TRPM3: variants seen among roughly 807,000 people sequenced by gnomAD.
TRPM3 encodes the protein transient receptor potential cation channel subfamily M member 3.
A neutral mutation model predicts 181.2 loss-of-function variants in TRPM3; 77 were observed. The ratio of observed to expected loss-of-function variants is 0.42; its 90% CI spans 0.35 to 0.51. The LOEUF is 0.51. Ranked by LOEUF, TRPM3 falls within the 20% of genes least tolerant of loss-of-function variation. The pLI, the probability that TRPM3 is intolerant of heterozygous loss-of-function variation, is 0.01. For missense variants in TRPM3, 1,759 were observed against 2,196.7 expected (o/e 0.80, Z 3.98); for synonymous variants, 745 against 796.4 (o/e 0.94, Z 1.09).
chr9:70,983,784 A>C (rs2097391192), intron 1 of TRPM3, among the ~76,000 whole-genome samples: 1 of 152,084 alleles, frequency 6.6e-6, no homozygotes, highest in Non-Finnish European at 1.5e-5. Flanking sequence ...AATGGGGGAA[A>C]AAATAGAGAT....
chr9:71,429,154 C>A (rs2093919337), intron 1 of TRPM3, among the ~76,000 whole-genome samples: 1 of 152,256 alleles, frequency 6.6e-6, no homozygotes, highest in South Asian at 2.1e-4. Context: ...TCCCAACTAC[C>A]TTTCATATTC....
At chr9:70,958,766 A>AACAATGAT (rs1427815930) in intron 1 of TRPM3, among the ~76,000 whole-genome samples, 1 of 151,860 alleles carries the variant, frequency 6.6e-6, no homozygotes, top group Non-Finnish European at 1.5e-5. Context: ...CCAAATATCC[A>AACAATGAT]ACAATGATAG....
intron 1 of TRPM3, among the ~76,000 whole-genome samples, chr9:71,138,746 C>A (rs1329977535): frequency 2.6e-5 from 4 of 152,170 alleles, no homozygotes; most frequent in Admixed American, 2.6e-4. Context: ...AAACAGAAAT[C>A]ATATCAGGCT....
At chr9:70,966,138 T>C (rs572548226) in intron 1 of TRPM3, among the ~76,000 whole-genome samples, 2 of 149,808 alleles carry the variant, frequency 1.3e-5, no homozygotes, top group East Asian at 2.0e-4. Context: ...AACAAGCATA[T>C]GAAAAAAAGC....
intron 21 of TRPM3, among the ~76,000 whole-genome samples, chr9:70,593,863 A>G (rs1238194769): frequency 1.4e-5 from 2 of 147,668 alleles, no homozygotes; most frequent in Non-Finnish European, 3.0e-5. Context: ...ATAATTTATT[A>G]TATATAATGT....
At position 70,879,554 on chromosome 9, in the gene TRPM3, C is replaced by A. The variant is rs979860053; in HGVS notation, c.178-15043G>T. 9.2e-5 allele frequency among the ~76,000 whole-genome samples: 14 copies of A among 152,158 alleles called. 1 individual carries two copies. The South Asian group carries it at 1.2e-3, about 14-fold the overall frequency. ...TTATCCTATATTCTCATGATGTTCT[C>A]TAACTCATTTAGGGCAGGGACCAGA... On this transcript the variant is annotated intron_variant, in intron 1 of 25. Coordinates refer to ENST00000677713, the MANE Select transcript of TRPM3 (RefSeq NM_001366145.2).
intron 1 of TRPM3, among the ~76,000 whole-genome samples, chr9:71,200,123 G>A (rs1271960992): frequency 2.6e-5 from 4 of 152,070 alleles, no homozygotes; most frequent in Non-Finnish European, 5.9e-5. Flanking sequence ...CCTTCATTTC[G>A]TTATGTACCC....
chr9:70,644,259 G>T (rs1415666448), intron 9 of TRPM3, among the ~76,000 whole-genome samples: 2 of 152,158 alleles, frequency 1.3e-5, no homozygotes, highest in Non-Finnish European at 2.9e-5. Flanking sequence ...TGCTGTGAAG[G>T]AGCAGTGCCA....
In TRPM3 at chr9:70,845,399, C is replaced by T. The variant is rs535931542; in HGVS notation, c.676+979G>A. Among the ~76,000 whole-genome samples, 145 of 152,058 alleles carry T rather than the reference C, an allele frequency of 9.5e-4. 1 individual carries two copies. Among genetic ancestry groups the T allele is most frequent in the South Asian group, 5.6e-3 (27 of 4,798 alleles). ...GGACTACAGGCACCTGCCACCACGC[C>T]GGGCTAATTTTTGCATTCTTAGTAG... On this transcript the variant is annotated intron_variant, in intron 4 of 25. Transcript: ENST00000677713.
chr9:70,620,732 A>G (rs1044037336), intron 15 of TRPM3, among the ~76,000 whole-genome samples: 1 of 152,062 alleles, frequency 6.6e-6, no homozygotes, highest in Non-Finnish European at 1.5e-5. Flanking sequence ...CTAGATTTTT[A>G]TTTGCATATA....
chr9:70,951,284 T>C (rs2096995925), intron 1 of TRPM3, among the ~76,000 whole-genome samples: 1 of 152,326 alleles, frequency 6.6e-6, no homozygotes, highest in African/African-American at 2.4e-5. Flanking sequence ...TTCTAGTACA[T>C]TGCTAGCTCT....
At position 71,307,057 on chromosome 9, in the gene TRPM3, AT is replaced by A. The variant is rs375107793; in HGVS notation, c.183+139595del. ...AGTTGCTCCTCTGAACATTTTATGC[AT>A]TTTTTAAGACTAATTATTTTGGCTT... is the stretch of plus-strand genomic sequence containing the variant. On this transcript the variant is annotated intron_variant, in intron 1 of 24. Transcript: ENST00000357533. Among the ~76,000 whole-genome samples the A allele has an allele frequency of 7.3e-3, 1,117 of 152,206 alleles. 16 individuals are homozygous for A. Among genetic ancestry groups the A allele is most frequent in the African/African-American group, 0.026 (1,075 of 41,538 alleles).
chr9:70,670,776 CAGAGT>C (rs976136832), intron 9 of TRPM3, among the ~76,000 whole-genome samples: 1 of 152,104 alleles, frequency 6.6e-6, no homozygotes, highest in African/African-American at 2.4e-5. Flanking sequence ...ATAAAGAAGG[CAGAGT>C]AGAGTGTCCG....
intron 12 of TRPM3, among the ~76,000 whole-genome samples, chr9:70,630,805 ATGT>A (rs1246926099): frequency 1.3e-5 from 2 of 152,330 alleles, no homozygotes; most frequent in African/African-American, 4.8e-5. Flanking sequence ...CAACTTGAAA[ATGT>A]TGTCTTCTTT....
rs140242691 is a variant in TRPM3, at chr9:71,163,061, G to A, written c.183+283592C>T. 2.0e-3 allele frequency among the ~76,000 whole-genome samples: 303 copies of A among 152,262 alleles called. 4 individuals carry two copies. In the East Asian group the frequency reaches 0.046, roughly 23 times the overall value. On this transcript the variant is annotated intron_variant, in intron 1 of 24. Coordinates refer to the TRPM3 transcript ENST00000357533. ...AATGTTAGGGAGCTAAGCCAAGGCCGATTTATAAAGGTCTTATGTTCATGC... is the reference window on the plus strand; with the variant it reads ...AATGTTAGGGAGCTAAGCCAAGGCCAATTTATAAAGGTCTTATGTTCATGC...
intron 7 of TRPM3, among the ~76,000 whole-genome samples, chr9:70,768,335 C>G (rs1161781058): frequency 2.0e-5 from 3 of 152,120 alleles, no homozygotes; most frequent in African/African-American, 7.2e-5. Flanking sequence ...CCAGGTATTT[C>G]TTTTAGGCCT....
intron 8 of TRPM3, among the ~76,000 whole-genome samples, chr9:70,740,641 A>G (rs1854273): frequency 0.22 from 33,257 of 152,180 alleles, 4,472 homozygotes; most frequent in Non-Finnish European, 0.3. Context: ...ACATAAACCA[A>G]TGGAACATGA....
At chr9:71,108,503 G>A (rs556574868) in intron 1 of TRPM3, among the ~76,000 whole-genome samples, 2 of 152,108 alleles carry the variant, frequency 1.3e-5, no homozygotes, top group Non-Finnish European at 2.9e-5. Context: ...AACAAGGGTC[G>A]ACATATCACC....
chr9:71,240,993 G>A (rs931970710), intron 1 of TRPM3, among the ~76,000 whole-genome samples: 2 of 152,098 alleles, frequency 1.3e-5, no homozygotes, highest in African/African-American at 4.8e-5. Context: ...CGAACATTAT[G>A]TTCCTTTAAA....
Sources: gnomAD v4.1 joint callset for allele counts (sites outside exome capture counted in the v4.1 genomes callset) on GRCh38, gnomAD v4.1.1 for gene constraint, MANE v1.5 for transcripts, NCBI Gene and HGNC (gene_info 2026-07-23, HGNC 2026-07-21) for gene names.